The following SERBP1 variants were observed in gnomAD, a reference collection of about 807,000 sequenced individuals.
SERBP1 encodes the protein SERPINE1 mRNA-binding protein 1.
SERBP1 carries 6 observed loss-of-function variants against 50.2 expected under a neutral mutation model. The observed-to-expected ratio is 0.12, with a 90% CI of 0.07 to 0.24. The LOEUF is 0.24. Ranked by LOEUF, SERBP1 falls within the 10% of genes least tolerant of loss-of-function variation. The pLI is 1.00. For synonymous variants in SERBP1, 168 were observed against 182.8 expected, an observed-to-expected ratio of 0.92 and a Z score of 0.65; for missense variants, 346 against 524.9, an observed-to-expected ratio of 0.66 and a Z score of 3.33.
Position 67,412,936 on chromosome 1 carries a change from G to C in SERBP1, c.*271C>G, listed in dbSNP as rs1570277615. ...CATATTTGCAAGCAGCAATACAAAA[G>C]TATTCATGAAGAATGCATAATCTCT... On this transcript the variant is annotated 3_prime_UTR_variant, in exon 8 of 8. Coordinates refer to ENST00000361219, the MANE Select transcript of SERBP1 (RefSeq NM_001018069.2). The C allele has an allele frequency of 8.7e-6, 4 of 462,170 alleles. No individual in the cohort carries two copies. In the East Asian group the frequency reaches 1.3e-4, roughly 15 times the overall value. 28.6% of individuals were successfully genotyped at this position (462,170 alleles called of 1,614,324 possible).
chr1:67,428,558 C>T lies in SERBP1; in HGVS notation c.313+1430G>A, dbSNP rs959838894. On this transcript the variant is annotated intron_variant, in intron 1 of 7. Coordinates refer to ENST00000361219, the MANE Select transcript of SERBP1 (RefSeq NM_001018069.2). ...GAATTAAATGATTTATTTAATTGTGCTAGATTGCCATAAAGCTTAACTGGC... is the reference window on the plus strand; with the variant it reads ...GAATTAAATGATTTATTTAATTGTGTTAGATTGCCATAAAGCTTAACTGGC... Among the ~76,000 whole-genome samples the T allele has an allele frequency of 2.0e-5, 3 of 152,116 alleles. No individual in the cohort carries two copies. The South Asian group carries it at 6.2e-4, about 31-fold the overall frequency.
intron 7 of SERBP1, among the ~76,000 whole-genome samples, chr1:67,414,711 G>A (rs1666948229): frequency 6.6e-6 from 1 of 152,206 alleles, no homozygotes; most frequent in Non-Finnish European, 1.5e-5. Flanking sequence ...AATCCTAAGT[G>A]TCGTAAGAGG....
rs1666789771 is a variant in SERBP1, at chr1:67,410,441, T to G, written c.*2766A>C. On this transcript the variant is annotated 3_prime_UTR_variant, in exon 8 of 8. Transcript: ENST00000361219. ...TATATTTACAACCCTGGAAATGATG[T>G]GTACTACTTTTATTTAAAAAAATAA... 1 of 152,218 alleles carries G rather than the reference T, an allele frequency of 6.6e-6. No individual in the cohort carries two copies. Among genetic ancestry groups the G allele is most frequent in the Non-Finnish European group, 1.5e-5 (1 of 68,028 alleles). The allele number at this position is 152,218 out of a possible 1,614,324, so 9.4% of individuals were successfully genotyped here.
At chr1:67,426,855 A>T (rs985030314) in intron 1 of SERBP1, among the ~76,000 whole-genome samples, 20 of 152,208 alleles carry the variant, frequency 1.3e-4, no homozygotes, top group African/African-American at 4.6e-4. Flanking sequence ...TAAAATTACA[A>T]ATCTGAAAGG....
Position 67,430,158 on chromosome 1 carries a change from C to T in SERBP1, c.143G>A (p.Gly48Asp), listed in dbSNP as rs755268965. 6 of 1,610,948 alleles carry T rather than the reference C, an allele frequency of 3.7e-6. No individual in the cohort carries two copies. Among genetic ancestry groups the T allele is most frequent in the African/African-American group, 1.3e-5 (1 of 74,896 alleles). ...KKEAGGGGVG[G>D]PGAKSAAQAA... ...CTGAGCTGCGCTCTTGGCCCCAGGG[C>T]CCCCAACGCCGCCCCCGCCGGCTTC... Residue 48 changes from glycine (G) to aspartate (D), a missense_variant, in exon 1 of 8, where the codon GGC becomes GAC. Transcript: ENST00000361219.
intron 5 of SERBP1, among the ~76,000 whole-genome samples, chr1:67,421,446 C>T (rs1244004340): frequency 1.3e-5 from 2 of 152,148 alleles, no homozygotes; most frequent in Non-Finnish European, 2.9e-5. Flanking sequence ...ATTTATACTT[C>T]CATATGCTAT....
At chr1:67,422,164 GAAT>G (rs1020301775) in intron 5 of SERBP1, among the ~76,000 whole-genome samples, 1 of 152,006 alleles carries the variant, frequency 6.6e-6, no homozygotes, top group African/African-American at 2.4e-5. Flanking sequence ...CAAATCCACG[GAAT>G]ATGATATTCC....
chr1:67,418,904 G>C (rs1175086896), intron 6 of SERBP1, among the ~76,000 whole-genome samples: 1 of 152,188 alleles, frequency 6.6e-6, no homozygotes, highest in South Asian at 2.1e-4. Flanking sequence ...AAACACAAAT[G>C]TCAAAAGGTT....
chr1:67,426,907 T>A (rs1366451664), intron 1 of SERBP1, among the ~76,000 whole-genome samples: 1 of 152,232 alleles, frequency 6.6e-6, no homozygotes, highest in Non-Finnish European at 1.5e-5. Context: ...TCACTTCAGT[T>A]TAAAACAGCC....
At position 67,420,101 on chromosome 1, in the gene SERBP1, C is replaced by T; in HGVS notation, c.859G>A (p.Ala287Thr). ...TTTCGGATATTAAATTCTACTTTTG[C>T]CCGGTCCTTATTTTGAATAGCCTTC... is the stretch of plus-strand genomic sequence containing the variant. The part of the protein sequence containing the change: ...EWKAIQNKDR[A>T]KVEFNIRKPN... The change falls in exon 6 of 8, where the codon GCA becomes ACA. Residue 287 changes from alanine to threonine, a missense_variant. Around this residue, in one of 5 missense-constraint regions of SERBP1, gnomAD observed 6 missense variants for 39.2 expected, o/e 0.15. Coordinates refer to ENST00000361219, the MANE Select transcript of SERBP1 (RefSeq NM_001018069.2). 6.2e-7 allele frequency: 1 copy of T among 1,613,668 alleles called. No individual in the cohort carries two copies. The highest frequency in any genetic ancestry group is 1.7e-5 in the Admixed American group (1 of 60,006).
At position 67,425,132 on chromosome 1, in the gene SERBP1, C is replaced by T; in HGVS notation, c.556G>A (p.Asp186Asn). 1.2e-6 allele frequency: 2 copies of T among 1,611,698 alleles called. No homozygotes were observed. The highest frequency in any genetic ancestry group is 1.7e-6 in the Non-Finnish European group (2 of 1,179,784). ...TCAAATTCACGTTTGCCACGAGAAT[C>T]AAATCCATCTCCTCGGCCCATTCCA... ...GRGMGRGDGFDSRGKREFDRH... is the reference protein window; with the variant it reads ...GRGMGRGDGFNSRGKREFDRH... The change falls in exon 3 of 8, where the codon GAT becomes AAT. Residue 186 changes from aspartate to asparagine, a missense_variant. Physicochemically the swap from Asp to Asn is conservative, Grantham distance 23. This residue lies in a region of SERBP1 where 257 missense variants were observed against 331.2 expected (regional missense o/e 0.78). Transcript: ENST00000361219.
intron 6 of SERBP1, among the ~76,000 whole-genome samples, chr1:67,418,412 T>G (rs1239152544): frequency 2.0e-5 from 3 of 152,228 alleles, no homozygotes; most frequent in Non-Finnish European, 4.4e-5. Context: ...AACCTCCATT[T>G]TATTTTAAAA....
At chr1:67,422,492 A>G (rs951846944) in intron 5 of SERBP1, among the ~76,000 whole-genome samples, 1 of 151,898 alleles carries the variant, frequency 6.6e-6, no homozygotes, top group African/African-American at 2.4e-5. Flanking sequence ...CACAGGCAAC[A>G]AGAGCAAAAC....
chr1:67,413,459 GC>G (rs1292463375), intron 7 of SERBP1, among the ~76,000 whole-genome samples, 196 bp from the exon 8 acceptor site: 4 of 152,162 alleles, frequency 2.6e-5, no homozygotes, highest in African/African-American at 9.6e-5. Flanking sequence ...GACCAGCCTG[GC>G]CAACATGGTG....
chr1:67,420,156 C>T lies in SERBP1; in HGVS notation c.804G>A (p.Glu268=), dbSNP rs1667154244. The change falls in exon 6 of 8, where the codon GAG becomes GAA. Residue 268 remains glutamate, a synonymous_variant. Transcript: ENST00000361219. ...KENEVEEVKE[E]GPKEMTLDEW... ...CATCCAAAGTCATCTCTTTTGGACC[C>T]TCCTCTTTTACCTCTTCAACTTCAT... The T allele has an allele frequency of 2.5e-6, 4 of 1,612,694 alleles. No individual in the cohort carries two copies. The highest frequency in any genetic ancestry group is 4.5e-5 in the East Asian group (2 of 44,762).
At chr1:67,423,098 A>C (rs761493922) in intron 5 of SERBP1, among the ~76,000 whole-genome samples, 2 of 142,570 alleles carry the variant, frequency 1.4e-5, no homozygotes, top group African/African-American at 2.7e-5. Context: ...TGGATCACCG[A>C]GGTCAGGAGT....
intron 1 of SERBP1, among the ~76,000 whole-genome samples, chr1:67,426,612 T>C (rs894670881): frequency 1.3e-5 from 2 of 152,226 alleles, no homozygotes; most frequent in African/African-American, 4.8e-5. Flanking sequence ...TGGGCAACCA[T>C]TATTCCCGTC....
intron 7 of SERBP1, 41 bp downstream of exon 7, chr1:67,415,125 G>C: frequency 1.3e-6 from 2 of 1,526,924 alleles, no homozygotes; most frequent in Non-Finnish European, 1.8e-6. Context: ...CTTATAAGAG[G>C]TCCTTAAATT....
rs1362536983 is a variant in SERBP1, at chr1:67,415,578, A to G, written c.952-239T>C. On this transcript the variant is annotated intron_variant, in intron 6 of 7. Transcript: ENST00000361219. ...GGTAATACCAGCAGTCCTCAACTAA[A>G]GACATGTATGCTATCACAATCAACC... is the stretch of plus-strand genomic sequence containing the variant. Among the ~76,000 whole-genome samples, 3 of 152,334 alleles carry G rather than the reference A, an allele frequency of 2.0e-5. 1 individual carries two copies. Among genetic ancestry groups the G allele is most frequent in the Admixed American group, 2.0e-4 (3 of 15,296 alleles).
Sources: gnomAD v4.1 joint callset for allele counts (sites outside exome capture counted in the v4.1 genomes callset) on GRCh38, gnomAD v4.1.1 for gene constraint, gnomAD v4.1.1 regional missense constraint, MANE v1.5 for transcripts, NCBI Gene and HGNC (gene_info 2026-07-23, HGNC 2026-07-21) for gene names.